The following MAN2A1 variants were observed in gnomAD, a reference collection of about 807,000 sequenced individuals.
The protein encoded by MAN2A1 is alpha-mannosidase 2.
MAN2A1 carries 76 observed loss-of-function variants against 142.6 expected under a neutral mutation model. The ratio of observed to expected loss-of-function variants is 0.53; its 90% CI spans 0.44 to 0.65. The LOEUF (loss-of-function observed/expected upper bound fraction) is 0.65, where lower values mean the gene tolerates loss of function less well. Among genes scored for constraint, MAN2A1 ranks in the 30% least tolerant of loss-of-function variants. MAN2A1 has a pLI of 0.00. For missense variants in MAN2A1, 1,311 were observed against 1,365.1 expected (o/e 0.96, Z 0.62); for synonymous variants, 559 against 473.2 (o/e 1.18, Z -2.35).
intron 19 of MAN2A1, among the ~76,000 whole-genome samples, chr5:109,852,398 C>T (rs147623615): frequency 5.2e-4 from 79 of 152,096 alleles, no homozygotes; most frequent in African/African-American, 1.7e-3. Flanking sequence ...ATTAAGTTCC[C>T]ACCATGTTTC....
chr5:109,691,021 T>C (rs1216053042), intron 1 of MAN2A1, among the ~76,000 whole-genome samples: 1 of 152,230 alleles, frequency 6.6e-6, no homozygotes, highest in Non-Finnish European at 1.5e-5. Flanking sequence ...GGCTTTTTTT[T>C]CTTTTTCTTC....
chr5:109,842,089 T>C (rs990847341), intron 16 of MAN2A1, among the ~76,000 whole-genome samples: 2 of 152,224 alleles, frequency 1.3e-5, no homozygotes, highest in Admixed American at 1.3e-4. Context: ...ATTTTTCTCA[T>C]CCCAGCTGCT....
At chr5:109,858,044 C>T (rs1437111087) in intron 20 of MAN2A1, among the ~76,000 whole-genome samples, 1 of 152,200 alleles carries the variant, frequency 6.6e-6, no homozygotes, top group East Asian at 1.9e-4. Flanking sequence ...ACACTTACTC[C>T]AACTTGGTTG....
chr5:109,772,760 T>G (rs1753183834), intron 7 of MAN2A1, among the ~76,000 whole-genome samples: 1 of 152,108 alleles, frequency 6.6e-6, no homozygotes, highest in Admixed American at 6.6e-5. Context: ...TCCTCCTGCC[T>G]CGCCCTCCCA....
chr5:109,794,758 A>G (rs1290454801), intron 12 of MAN2A1, among the ~76,000 whole-genome samples: 1 of 152,114 alleles, frequency 6.6e-6, no homozygotes, highest in Non-Finnish European at 1.5e-5. Flanking sequence ...TATGAATTTT[A>G]TTGGATTTGA....
intron 1 of MAN2A1, among the ~76,000 whole-genome samples, chr5:109,698,546 G>GT (rs1218989131): frequency 1.3e-5 from 2 of 152,010 alleles, no homozygotes; most frequent in East Asian, 1.9e-4. Context: ...TTAAGTATTT[G>GT]TTTTTTTGCA....
intron 12 of MAN2A1, among the ~76,000 whole-genome samples, chr5:109,796,760 T>C (rs2301010): frequency 0.14 from 21,671 of 152,208 alleles, 2,553 homozygotes; most frequent in East Asian, 0.64. Context: ...CCACCTTGGA[T>C]ATTAAACCTT....
chr5:109,756,308 A>G (rs1044231998), intron 5 of MAN2A1, among the ~76,000 whole-genome samples: 11 of 152,174 alleles, frequency 7.2e-5, no homozygotes, highest in Non-Finnish European at 1.5e-4. Flanking sequence ...ACTAATAGAA[A>G]ACTATGTGAT....
chr5:109,792,121 A>G (rs758114954), intron 12 of MAN2A1, among the ~76,000 whole-genome samples: 7 of 152,082 alleles, frequency 4.6e-5, no homozygotes, highest in Non-Finnish European at 8.8e-5. Context: ...GGCTTGTTTA[A>G]TGGTTCTCCC....
intron 4 of MAN2A1, among the ~76,000 whole-genome samples, chr5:109,752,697 G>T (rs10477446): frequency 0.085 from 12,899 of 152,234 alleles, 650 homozygotes; most frequent in African/African-American, 0.15. Flanking sequence ...GGGAAAGATA[G>T]GGTAGAAGAA....
At chr5:109,776,754 C>T (rs996743822) in intron 8 of MAN2A1, among the ~76,000 whole-genome samples, 1 of 152,144 alleles carries the variant, frequency 6.6e-6, no homozygotes. Context: ...TTCCAGTCAT[C>T]ACCAACTGCC....
intron 19 of MAN2A1, among the ~76,000 whole-genome samples, chr5:109,853,141 T>C (rs1755525668): frequency 6.6e-6 from 1 of 152,238 alleles, no homozygotes; most frequent in East Asian, 1.9e-4. Context: ...AACTGAATCT[T>C]GTTTTTCTAA....
chr5:109,753,411 A>T (rs990169687), intron 4 of MAN2A1, among the ~76,000 whole-genome samples: 1 of 152,188 alleles, frequency 6.6e-6, no homozygotes, highest in Admixed American at 6.5e-5. Context: ...CAGCTTCTTC[A>T]TTGTAGATTC....
At chr5:109,730,892 G>A (rs1031203176) in intron 4 of MAN2A1, among the ~76,000 whole-genome samples, 12 of 152,204 alleles carry the variant, frequency 7.9e-5, no homozygotes, top group African/African-American at 2.4e-4. Context: ...TCCTAAGATT[G>A]AATTAGTCCA....
Position 109,781,659 on chromosome 5 carries a change from G to T in MAN2A1, c.1577+61G>T, listed in dbSNP as rs2112667124. 5.0e-6 allele frequency: 6 copies of T among 1,206,448 alleles called. No homozygotes were observed. In the South Asian group the frequency reaches 9.8e-5, roughly 20 times the overall value. The allele number at this position is 1,206,448 out of a possible 1,614,324, so 74.7% of individuals were successfully genotyped here. On this transcript the variant is annotated intron_variant, in intron 9 of 21. Transcript: ENST00000261483. ...CACTTTATATTATCATAATCTTTTT[G>T]TAGAGTTTTACGTAATATACATCAT...
intron 19 of MAN2A1, among the ~76,000 whole-genome samples, chr5:109,848,563 C>G (rs1282007650): frequency 6.6e-6 from 1 of 152,118 alleles, no homozygotes; most frequent in East Asian, 1.9e-4. Flanking sequence ...TCTACTCCCA[C>G]CCTTCCCATC....
chr5:109,833,328 G>A (rs1396902904), intron 16 of MAN2A1, among the ~76,000 whole-genome samples: 1 of 152,138 alleles, frequency 6.6e-6, no homozygotes, highest in Non-Finnish European at 1.5e-5. Context: ...CGGCTGGGAG[G>A]TGGAGGTTGT....
intron 19 of MAN2A1, among the ~76,000 whole-genome samples, chr5:109,851,255 AC>A (rs1466081233): frequency 6.6e-6 from 1 of 152,216 alleles, no homozygotes; most frequent in Non-Finnish European, 1.5e-5. Flanking sequence ...CACGAGGTTG[AC>A]CATCATTTAT....
At position 109,855,261 on chromosome 5, in the gene MAN2A1, G is replaced by A. The variant is rs376207094; in HGVS notation, c.3098G>A (p.Gly1033Asp). ...KFSSPTLELQ[G>D]EFSPLQSSLP... is the part of the protein sequence containing the mutation. ...TCCTCACCTACCCTTGAGCTGCAAG[G>A]TGAATTCTCTCCATTACAGTCATCT... Residue 1033 changes from glycine (G) to aspartate (D), a missense_variant, in exon 20 of 22, where the codon GGT (glycine) becomes GAT (aspartate). Physicochemically the swap from Gly to Asp is moderately conservative, Grantham distance 94 (BLOSUM62 -1). Transcript: ENST00000261483. 194 of 1,607,078 alleles carry A rather than the reference G, an allele frequency of 1.2e-4. No homozygotes were observed. Among genetic ancestry groups the A allele is most frequent in the Non-Finnish European group, 1.6e-4 (189 of 1,177,648 alleles).
Sources: gnomAD v4.1 joint callset for allele counts (sites outside exome capture counted in the v4.1 genomes callset) on GRCh38, gnomAD v4.1.1 for gene constraint, MANE v1.5 for transcripts, NCBI Gene and HGNC (gene_info 2026-07-23, HGNC 2026-07-21) for gene names.